The following ANTXR1 variants were observed in gnomAD, a reference collection of about 807,000 sequenced individuals.
The protein encoded by ANTXR1 is anthrax toxin receptor 1.
A neutral mutation model predicts 78.1 loss-of-function variants in ANTXR1; 19 were observed. The ratio of observed to expected loss-of-function variants is 0.24; its 90% CI spans 0.17 to 0.36. The LOEUF is 0.36. Ranked by LOEUF, ANTXR1 falls within the 10% of genes least tolerant of loss-of-function variation. The pLI, the probability that ANTXR1 is intolerant of heterozygous loss-of-function variation, is 1.00. For synonymous variants in ANTXR1, 273 were observed against 260.5 expected, an observed-to-expected ratio of 1.05 and a Z score of -0.46; for missense variants, 518 against 718.6, an observed-to-expected ratio of 0.72 and a Z score of 3.19.
chr2:69,124,669 A>G (rs1188261276), intron 12 of ANTXR1, 26 bp downstream of exon 12: 1 of 1,606,930 alleles, frequency 6.2e-7, no homozygotes, highest in Non-Finnish European at 8.5e-7. Flanking sequence ...TCCCTTTACT[A>G]AAGATCTCAT....
chr2:69,192,674 C>T (rs907466271), intron 16 of ANTXR1, among the ~76,000 whole-genome samples: 10 of 152,218 alleles, frequency 6.6e-5, no homozygotes, highest in Non-Finnish European at 7.3e-5. Context: ...CCTGTAGGGG[C>T]GTTCTTGGTC....
At chr2:69,165,411 C>T (rs1359306134) in intron 13 of ANTXR1, among the ~76,000 whole-genome samples, 2 of 152,216 alleles carry the variant, frequency 1.3e-5, no homozygotes, top group African/African-American at 2.4e-5. Flanking sequence ...GGGCCAAAAA[C>T]GAGTCCCCTG....
At chr2:69,149,726 T>G (rs1443738325) in intron 12 of ANTXR1, among the ~76,000 whole-genome samples, 1 of 152,196 alleles carries the variant, frequency 6.6e-6, no homozygotes, top group African/African-American at 2.4e-5. Flanking sequence ...ACAAGATAGC[T>G]TACATCATTT....
At chr2:69,114,210 C>CT (rs1243714299) in intron 10 of ANTXR1, among the ~76,000 whole-genome samples, 3 of 152,146 alleles carry the variant, frequency 2.0e-5, no homozygotes, top group Non-Finnish European at 4.4e-5. Context: ...ATTTTAATTT[C>CT]TTTTTTATAT....
chr2:69,182,765 C>T (rs1674309657), intron 16 of ANTXR1, 105 bp downstream of exon 16: 1 of 1,426,686 alleles, frequency 7.0e-7, no homozygotes, highest in African/African-American at 1.4e-5. Context: ...TAAAACCCAG[C>T]TTATCACAGG....
rs533892816 is a variant in ANTXR1 at position 69,126,034 on chromosome 2, G to A, written c.951+1391G>A. ...CTCGTTGGCCTTTGGAAGCTGTGTT[G>A]TTAGAACCTCTCAGTAACTGGAGTT... On this transcript the variant is annotated intron_variant, in intron 12 of 17. Coordinates refer to ENST00000303714, the MANE Select transcript of ANTXR1 (RefSeq NM_032208.3). Among the ~76,000 whole-genome samples the A allele has an allele frequency of 6.8e-4, 103 of 152,264 alleles. 1 individual carries two copies. The highest frequency in any genetic ancestry group is 2.4e-3 in the African/African-American group (99 of 41,538).
intron 3 of ANTXR1, among the ~76,000 whole-genome samples, chr2:69,063,090 G>C (rs1670293038): frequency 6.6e-6 from 1 of 152,148 alleles, no homozygotes; most frequent in East Asian, 1.9e-4. Flanking sequence ...AACCAGTCCT[G>C]TGACTTATGG....
chr2:69,152,525 G>A (rs1042996118), intron 13 of ANTXR1, among the ~76,000 whole-genome samples: 1 of 152,182 alleles, frequency 6.6e-6, no homozygotes, highest in South Asian at 2.1e-4. Context: ...TTTAGTTCTG[G>A]TGCTTAGGGA....
In ANTXR1 at chr2:69,245,885, C is replaced by A; in HGVS notation, c.*400C>A. ...TGCTGCCTTCCTGCCTCTACTCCAC[C>A]TCCATCCCTGGACTTTGGACCCTTG... On this transcript the variant is annotated 3_prime_UTR_variant, in exon 18 of 18. Coordinates refer to ENST00000303714, the MANE Select transcript of ANTXR1 (RefSeq NM_032208.3). The A allele has an allele frequency of 5.0e-6, 1 of 199,884 alleles. No individual in the cohort carries two copies. The highest frequency in any genetic ancestry group is 1.0e-5 in the Non-Finnish European group (1 of 97,292). The allele number at this position is 199,884 out of a possible 1,614,324, so 12.4% of individuals were successfully genotyped here. A position where few individuals can be genotyped will look rare whatever the true frequency, so the allele number is the denominator to read the frequency against.
intron 13 of ANTXR1, 66 bp from the exon 14 acceptor site, chr2:69,170,182 A>G: frequency 6.3e-7 from 1 of 1,577,944 alleles, no homozygotes. Context: ...ACCTCCTGAC[A>G]GCAAGCCTCT....
intron 16 of ANTXR1, 105 bp from the exon 17 acceptor site, chr2:69,193,230 G>A (rs533177914): frequency 1.1e-6 from 1 of 875,658 alleles, no homozygotes; most frequent in East Asian, 2.5e-5. Context: ...TGACAGTGTT[G>A]TGTTGTTCAC....
chr2:69,237,915 T>C (rs184023013), intron 17 of ANTXR1, among the ~76,000 whole-genome samples: 32 of 152,124 alleles, frequency 2.1e-4, no homozygotes. Flanking sequence ...AATATCAAAG[T>C]GAAAGGGAAA....
intron 14 of ANTXR1, among the ~76,000 whole-genome samples, chr2:69,176,063 A>C (rs1305619206): frequency 6.6e-6 from 1 of 151,814 alleles, no homozygotes; most frequent in African/African-American, 2.4e-5. Flanking sequence ...ACCATTAAAT[A>C]CACATACACA....
intron 1 of ANTXR1, among the ~76,000 whole-genome samples, chr2:69,038,104 GCA>G (rs779746613): frequency 3.0e-4 from 46 of 152,228 alleles, no homozygotes; most frequent in Non-Finnish European, 6.0e-4. Flanking sequence ...GCCTGCACCA[GCA>G]CAGAGAGCCA....
intron 3 of ANTXR1, among the ~76,000 whole-genome samples, chr2:69,045,651 T>C (rs1434048229): frequency 1.3e-5 from 2 of 152,142 alleles, no homozygotes; most frequent in Non-Finnish European, 1.5e-5. Context: ...GAAATGAATA[T>C]AGGACTAACA....
chr2:69,070,380 T>C (rs567962362), intron 3 of ANTXR1, among the ~76,000 whole-genome samples: 10 of 152,242 alleles, frequency 6.6e-5, no homozygotes, highest in East Asian at 3.9e-4. Context: ...AAGGAAAACA[T>C]TGTGTTAAGG....
At chr2:69,048,581 T>A (rs1403479158) in intron 3 of ANTXR1, among the ~76,000 whole-genome samples, 1 of 152,202 alleles carries the variant, frequency 6.6e-6, no homozygotes, top group Non-Finnish European at 1.5e-5. Context: ...CCCCGATTGA[T>A]TAGCCAGTTC....
intron 12 of ANTXR1, among the ~76,000 whole-genome samples, chr2:69,137,220 G>T (rs186021965): frequency 1.3e-4 from 20 of 151,886 alleles, no homozygotes; most frequent in Admixed American, 1.3e-3. Flanking sequence ...ACTTTTTCTG[G>T]TCTCTCGCTT....
intron 1 of ANTXR1, among the ~76,000 whole-genome samples, chr2:69,033,106 C>G (rs1671577137): frequency 6.6e-6 from 1 of 152,166 alleles, no homozygotes; most frequent in Non-Finnish European, 1.5e-5. Flanking sequence ...TATTTCATCA[C>G]AAGTCAGTCG....
Sources: allele counts gnomAD v4.1 joint callset (sites outside exome capture counted in the v4.1 genomes callset), GRCh38; gene constraint gnomAD v4.1.1; transcripts MANE v1.5; gene names NCBI Gene and HGNC (gene_info 2026-07-23, HGNC 2026-07-21).